Variants in ACVR1 observed in about 807,000 individuals in gnomAD.
The protein encoded by ACVR1 is activin receptor type-1.
A neutral mutation model predicts 57.1 loss-of-function variants in ACVR1; 38 were observed. That is an observed-to-expected ratio of 0.67 (90% confidence interval 0.51 to 0.87). The LOEUF (loss-of-function observed/expected upper bound fraction) is 0.87, where lower values mean the gene tolerates loss of function less well. ACVR1 is among the 40% of genes least tolerant of loss of function. The probability of loss-of-function intolerance (pLI) is 0.00; values close to 1 mark genes in which losing one functional copy is unlikely to be tolerated. For synonymous variants in ACVR1, 212 were observed against 228.1 expected (o/e 0.93, Z 0.63); for missense variants, 463 against 638.2 (o/e 0.73, Z 2.96).
At chr2:157,869,376 T>C (rs544317493) in intron 1 of ACVR1, among the ~76,000 whole-genome samples, 1 of 152,222 alleles carries the variant, frequency 6.6e-6, no homozygotes, top group Non-Finnish European at 1.5e-5. Context: ...AACTATTCAA[T>C]AAACAAACTA....
intron 1 of ACVR1, among the ~76,000 whole-genome samples, chr2:157,853,597 C>A (rs555857698): frequency 6.6e-6 from 1 of 152,230 alleles, no homozygotes; most frequent in South Asian, 2.1e-4. Context: ...TGCTCATAAC[C>A]GTTCCAAAAT....
chr2:157,828,918 C>G (rs1688488462), intron 1 of ACVR1, among the ~76,000 whole-genome samples: 1 of 152,076 alleles, frequency 6.6e-6, no homozygotes, highest in Non-Finnish European at 1.5e-5. Context: ...AGGCACCCAC[C>G]ACCATGCCCA....
chr2:157,776,392 ATCT>A (rs1686288854), intron 5 of ACVR1, among the ~76,000 whole-genome samples: 1 of 152,258 alleles, frequency 6.6e-6, no homozygotes, highest in African/African-American at 2.4e-5. Flanking sequence ...TCATCCTCAC[ATCT>A]TCTTGCTACT....
intron 1 of ACVR1, among the ~76,000 whole-genome samples, chr2:157,832,255 ACCG>A (rs1416036773): frequency 3.3e-5 from 5 of 152,184 alleles, no homozygotes; most frequent in Non-Finnish European, 7.3e-5. Flanking sequence ...TCTGCAAATC[ACCG>A]CCAACTTCAG....
chr2:157,838,274 G>T (rs527540227), intron 1 of ACVR1: 3 of 152,026 alleles, frequency 2.0e-5, no homozygotes, highest in Admixed American at 6.6e-5. Context: ...AACGCTATTC[G>T]CTTCAAAAAG....
At chr2:157,854,614 T>C (rs960313045) in intron 1 of ACVR1, among the ~76,000 whole-genome samples, 1 of 151,898 alleles carries the variant, frequency 6.6e-6, no homozygotes, top group Non-Finnish European at 1.5e-5. Flanking sequence ...ACCCAGCTCT[T>C]TGGGAGGCTG....
chr2:157,862,161 C>G (rs1450453008), intron 1 of ACVR1, among the ~76,000 whole-genome samples: 2 of 152,160 alleles, frequency 1.3e-5, no homozygotes, highest in African/African-American at 4.8e-5. Flanking sequence ...TTATTTCCTA[C>G]CAATCTTTTT....
rs761507675 is a variant in ACVR1, at chr2:157,761,241, C to T, written c.1067-164G>A. On this transcript the variant is annotated intron_variant, in intron 8 of 10. Coordinates refer to ENST00000434821, the MANE Select transcript of ACVR1 (RefSeq NM_001111067.4). The stretch of plus-strand genomic sequence containing the variant: ...CTAGAATGCCCTTTGTGATTATTTC[C>T]GGGGTGAGAGCAGAAAAGGGACTAA... Among the ~76,000 whole-genome samples, 21 of 152,208 alleles carry T rather than the reference C, an allele frequency of 1.4e-4. 1 individual carries two copies. The highest frequency in any genetic ancestry group is 9.2e-4 in the Admixed American group (14 of 15,296).
intron 1 of ACVR1, among the ~76,000 whole-genome samples, chr2:157,874,121 C>CT (rs1393211750): frequency 2.6e-5 from 4 of 152,186 alleles, no homozygotes; most frequent in Admixed American, 2.6e-4. Context: ...CATCCCAATC[C>CT]TTAGTCTTTG....
intron 3 of ACVR1, among the ~76,000 whole-genome samples, chr2:157,782,503 A>G (rs1574059169): frequency 6.6e-6 from 1 of 152,226 alleles, no homozygotes; most frequent in East Asian, 1.9e-4. Flanking sequence ...TCCAGCACCA[A>G]TCTATTTCTA....
At chr2:157,785,664 TC>T (rs901680271) in intron 3 of ACVR1, among the ~76,000 whole-genome samples, 23 of 152,304 alleles carry the variant, frequency 1.5e-4, no homozygotes, top group African/African-American at 5.5e-4. Flanking sequence ...TCATTTTTTT[TC>T]CTTATCCGAG....
rs532703673 is a variant in ACVR1 at position 157,772,050 on chromosome 2, A to T, written c.644-1536T>A. ...TGAGAGCAAAATATCCCAGGGAATT[A>T]TGGATACAAAATTACCTCAAATCCT... On this transcript the variant is annotated intron_variant, in intron 6 of 10. Coordinates refer to ENST00000434821, the MANE Select transcript of ACVR1 (RefSeq NM_001111067.4). Among the ~76,000 whole-genome samples, 589 of 152,336 alleles carry T rather than the reference A, an allele frequency of 3.9e-3. 5 individuals carry two copies. The highest frequency in any genetic ancestry group is 7.0e-3 in the African/African-American group (293 of 41,580).
intron 9 of ACVR1, among the ~76,000 whole-genome samples, chr2:157,743,207 C>T (rs1684844423): frequency 6.6e-6 from 1 of 152,254 alleles, no homozygotes; most frequent in Non-Finnish European, 1.5e-5. Flanking sequence ...GCTTGTCCAA[C>T]TAGGTTCTTA....
chr2:157,861,332 T>C lies in ACVR1; in HGVS notation c.-183+14464A>G, dbSNP rs1226099255. Among the ~76,000 whole-genome samples the C allele has an allele frequency of 2.0e-5, 3 of 152,120 alleles. No individual in the cohort carries two copies. The East Asian group carries it at 5.8e-4, about 29-fold the overall frequency. On this transcript the variant is annotated intron_variant, in intron 1 of 10. Coordinates refer to ENST00000434821, the MANE Select transcript of ACVR1 (RefSeq NM_001111067.4). The stretch of plus-strand genomic sequence containing the variant: ...GGATAGAATGGCCATGAAAAGGAGA[T>C]AATATGTGAACTTTGTTGAAGGAGA...
chr2:157,776,761 G>A (rs1211278142), intron 5 of ACVR1, among the ~76,000 whole-genome samples: 1 of 152,170 alleles, frequency 6.6e-6, no homozygotes, highest in African/African-American at 2.4e-5. Context: ...CTGGTGAGGG[G>A]AAGTCTTCTC....
At chr2:157,843,568 T>C (rs962300003) in intron 1 of ACVR1, among the ~76,000 whole-genome samples, 3 of 152,188 alleles carry the variant, frequency 2.0e-5, no homozygotes, top group African/African-American at 7.2e-5. Flanking sequence ...AGCTGGGATG[T>C]GACAGAATGA....
chr2:157,826,687 AAAAG>A (rs1189299634), intron 1 of ACVR1: 1 of 145,358 alleles, frequency 6.9e-6, no homozygotes, highest in African/African-American at 2.6e-5. Context: ...AAAAGAAAGA[AAAAG>A]AGAGAGAAGG....
In ACVR1 at chr2:157,766,139, G is replaced by A; in HGVS notation, c.848C>T (p.Thr283Ile). ...RHSSTQLWLI[T>I]HYHEMGSLYD... ...CAACGATCCCATTTCATGATAATGT[G>A]TAATTAACCACAGCTGGGTACTGGA... Residue 283 changes from threonine (T) to isoleucine (I), a missense_variant, in exon 8 of 11, where the codon ACA becomes ATA. Transcript: ENST00000434821. The A allele has an allele frequency of 3.1e-6, 5 of 1,614,066 alleles. No individual in the cohort carries two copies. Among genetic ancestry groups the A allele is most frequent in the Non-Finnish European group, 4.2e-6 (5 of 1,179,958 alleles).
At chr2:157,848,918 T>C (rs1005025852) in intron 1 of ACVR1, among the ~76,000 whole-genome samples, 1 of 152,026 alleles carries the variant, frequency 6.6e-6, no homozygotes, top group African/African-American at 2.4e-5. Flanking sequence ...CAAAAATGAG[T>C]GTTGCTGTCA....
Sources: gnomAD v4.1 joint callset for allele counts (sites outside exome capture counted in the v4.1 genomes callset) on GRCh38, gnomAD v4.1.1 for gene constraint, MANE v1.5 for transcripts, NCBI Gene and HGNC (gene_info 2026-07-23, HGNC 2026-07-21) for gene names.